The following DCAF10 variants were observed in gnomAD, a reference collection of about 807,000 sequenced individuals.
DCAF10 encodes DDB1- and CUL4-associated factor 10.
A neutral mutation model predicts 51.9 loss-of-function variants in DCAF10; 19 were observed. The observed-to-expected ratio is 0.37, with a 90% CI of 0.26 to 0.54. The LOEUF (loss-of-function observed/expected upper bound fraction) is 0.54. Ranked by LOEUF, DCAF10 falls within the 20% of genes least tolerant of loss-of-function variation. The pLI is 0.87. For missense variants in DCAF10, 510 were observed against 730.6 expected (o/e 0.70, Z 3.48); for synonymous variants, 291 against 297.1 (o/e 0.98, Z 0.21).
At chr9:37,832,446 G>A (rs1315752245) in intron 2 of DCAF10, among the ~76,000 whole-genome samples, 4 of 150,982 alleles carry the variant, frequency 2.6e-5, no homozygotes, top group African/African-American at 7.4e-5. Flanking sequence ...CAACAAGAGC[G>A]AGACTCCGTC....
At chr9:37,836,579 C>G (rs1021182334) in intron 2 of DCAF10, among the ~76,000 whole-genome samples, 1 of 152,172 alleles carries the variant, frequency 6.6e-6, no homozygotes, top group Non-Finnish European at 1.5e-5. Flanking sequence ...CCACTTTTAT[C>G]TACTCTTTTT....
At chr9:37,821,692 A>G (rs981691622) in intron 2 of DCAF10, among the ~76,000 whole-genome samples, 5 of 152,170 alleles carry the variant, frequency 3.3e-5, no homozygotes, top group African/African-American at 1.2e-4. Flanking sequence ...ACCCTTCTAG[A>G]CATTGGCTTA....
At position 37,833,298 on chromosome 9, in the gene DCAF10, C is replaced by T. The variant is rs114088986; in HGVS notation, c.654-8791C>T. Among the ~76,000 whole-genome samples, 1,108 of 152,296 alleles carry T rather than the reference C, an allele frequency of 7.3e-3. 11 individuals are homozygous for T. Among genetic ancestry groups the T allele is most frequent in the African/African-American group, 0.025 (1,053 of 41,546 alleles). ...ATTTGCATATGCAGATGCTCTTCAACTTCTGATGGGATTATCTCCCAATAA... is the reference window on the plus strand; with the variant it reads ...ATTTGCATATGCAGATGCTCTTCAATTTCTGATGGGATTATCTCCCAATAA... On this transcript the variant is annotated intron_variant, in intron 2 of 6. Coordinates refer to ENST00000377724, the MANE Select transcript of DCAF10 (RefSeq NM_024345.5).
chr9:37,800,865 T>A lies in DCAF10; in HGVS notation c.-2T>A. Reference sequence around the variant, plus strand: ...CCGGAGCGGGGGGCGGGGGCGTTGATCATGTTTCCCTTTGGGCCCCATAGC... The same window carrying A: ...CCGGAGCGGGGGGCGGGGGCGTTGAACATGTTTCCCTTTGGGCCCCATAGC... On this transcript the variant is annotated 5_prime_UTR_variant, in exon 1 of 7. Coordinates refer to ENST00000377724, the MANE Select transcript of DCAF10 (RefSeq NM_024345.5). 1.3e-6 allele frequency: 2 copies of A among 1,491,480 alleles called. No homozygotes were observed. Among genetic ancestry groups the A allele is most frequent in the Non-Finnish European group, 1.8e-6 (2 of 1,127,394 alleles). The allele number at this position is 1,491,480 out of a possible 1,614,324, so 92.4% of individuals were successfully genotyped here.
rs1292325215 is a variant in DCAF10, at chr9:37,863,741, A to T, written c.*2233A>T. 1 of 152,234 alleles carries T rather than the reference A, an allele frequency of 6.6e-6. No individual in the cohort carries two copies. Among genetic ancestry groups the T allele is most frequent in the Non-Finnish European group, 1.5e-5 (1 of 68,050 alleles). The allele number at this position is 152,234 out of a possible 1,614,324, so 9.4% of individuals were successfully genotyped here. A position where few individuals can be genotyped will look rare whatever the true frequency, so the allele number is the denominator to read the frequency against. ...TAGCCATAAGAAGAAAAGTATTTTAAATCTTACAGAAATGTTTAAACAACC... is the reference window on the plus strand; with the variant it reads ...TAGCCATAAGAAGAAAAGTATTTTATATCTTACAGAAATGTTTAAACAACC... On this transcript the variant is annotated 3_prime_UTR_variant, in exon 7 of 7. Coordinates refer to ENST00000377724, the MANE Select transcript of DCAF10 (RefSeq NM_024345.5).
At chr9:37,828,452 G>GAA (rs113478721) in intron 2 of DCAF10, among the ~76,000 whole-genome samples, 1 of 150,254 alleles carries the variant, frequency 6.7e-6, no homozygotes, top group African/African-American at 2.5e-5. Context: ...TCAGAAAAAA[G>GAA]AAAAAAGAAA....
In DCAF10 at chr9:37,801,456, G is replaced by C; in HGVS notation, c.539+51G>C. The C allele has an allele frequency of 1.5e-6, 2 of 1,370,914 alleles. No individual in the cohort carries two copies. The highest frequency in any genetic ancestry group is 1.9e-6 in the Non-Finnish European group (2 of 1,060,882). 84.9% of individuals were successfully genotyped at this position (1,370,914 alleles called of 1,614,324 possible). A position where few individuals can be genotyped will look rare whatever the true frequency, so the allele number is the denominator to read the frequency against. The stretch of plus-strand genomic sequence containing the variant: ...GCGCCCGCCTCCGCCCGGCTCTGCT[G>C]CCAGCGGACGGCCGTCCTGGGCTCG... On this transcript the variant is annotated intron_variant, in intron 1 of 6. Transcript: ENST00000377724. This position sits in a 1 kb window ranked among gnomAD's most constrained non-coding sequence, Gnocchi z 5.5.
chr9:37,850,840 A>ATGTATATATATATATATATATATATG (rs1424212311), intron 3 of DCAF10, among the ~76,000 whole-genome samples: 1 of 22,436 alleles, frequency 4.5e-5, no homozygotes, highest in Admixed American at 4.0e-4. Context: ...ATATATATAT[A>ATGTATATATATATATATATATATATG]TATATATATA....
intron 2 of DCAF10, among the ~76,000 whole-genome samples, chr9:37,828,287 A>T (rs1244071302): frequency 6.6e-6 from 1 of 151,734 alleles, no homozygotes; most frequent in Non-Finnish European, 1.5e-5. Context: ...ACAATTTTCA[A>T]TTGGATTCAG....
chr9:37,809,872 C>A (rs1330813485), intron 1 of DCAF10, among the ~76,000 whole-genome samples: 1 of 144,422 alleles, frequency 6.9e-6, no homozygotes, highest in African/African-American at 2.6e-5. Flanking sequence ...GCGGGGCGGC[C>A]GTGCGCGGTG....
chr9:37,848,694 T>C (rs1351298436), intron 3 of DCAF10, among the ~76,000 whole-genome samples: 2 of 151,994 alleles, frequency 1.3e-5, no homozygotes, highest in African/African-American at 4.8e-5. Flanking sequence ...AATTGCGGCC[T>C]GGCATGGTGG....
At chr9:37,851,460 A>G (rs1247447567) in intron 3 of DCAF10, among the ~76,000 whole-genome samples, 2 of 147,138 alleles carry the variant, frequency 1.4e-5, no homozygotes, top group Non-Finnish European at 3.0e-5. Context: ...GATTACAGGC[A>G]TGAGCCACTG....
intron 1 of DCAF10, among the ~76,000 whole-genome samples, chr9:37,808,299 T>A (rs1303682231): frequency 1.3e-5 from 2 of 150,966 alleles, no homozygotes; most frequent in East Asian, 3.9e-4. Flanking sequence ...TCCTAGCTAC[T>A]CAGGAGGCTG....
chr9:37,846,628 T>C (rs1830481280), intron 3 of DCAF10, among the ~76,000 whole-genome samples: 1 of 152,080 alleles, frequency 6.6e-6, no homozygotes, highest in South Asian at 2.1e-4. Flanking sequence ...GGCTAATTTT[T>C]GTATTCTTAG....
chr9:37,807,200 G>T (rs1274030952), intron 1 of DCAF10, among the ~76,000 whole-genome samples: 2 of 151,890 alleles, frequency 1.3e-5, no homozygotes, highest in Non-Finnish European at 2.9e-5. Context: ...CTTTTTTTTA[G>T]GCCAGGTATG....
At chr9:37,824,608 GAGA>G (rs1387869621) in intron 2 of DCAF10, among the ~76,000 whole-genome samples, 1 of 151,586 alleles carries the variant, frequency 6.6e-6, no homozygotes, top group East Asian at 1.9e-4. Context: ...TATAGAAAAT[GAGA>G]AGTAGAAAGA....
At chr9:37,843,331 T>C (rs1276561010) in intron 3 of DCAF10, among the ~76,000 whole-genome samples, 1 of 152,210 alleles carries the variant, frequency 6.6e-6, no homozygotes, top group Non-Finnish European at 1.5e-5. Context: ...TTTCGAAATA[T>C]TCTTTTTAGA....
At chr9:37,838,420 A>G (rs556246004) in intron 2 of DCAF10, among the ~76,000 whole-genome samples, 1 of 148,604 alleles carries the variant, frequency 6.7e-6, no homozygotes, top group East Asian at 1.9e-4. Flanking sequence ...ATTTGGCTAC[A>G]TTAAAAAAAA....
At chr9:37,802,913 C>T (rs891146144) in intron 1 of DCAF10, among the ~76,000 whole-genome samples, 3 of 152,152 alleles carry the variant, frequency 2.0e-5, no homozygotes, top group Non-Finnish European at 4.4e-5. Context: ...CTTCATATCC[C>T]GGCCCCTCTC....
Sources: allele counts gnomAD v4.1 joint callset (sites outside exome capture counted in the v4.1 genomes callset), GRCh38; gene constraint gnomAD v4.1.1; non-coding constraint Gnocchi (gnomAD v3.1); transcripts MANE v1.5; gene names NCBI Gene and HGNC (gene_info 2026-07-23, HGNC 2026-07-21).